Variants in DOCK4 observed in about 807,000 individuals in gnomAD.
DOCK4 encodes the protein dedicator of cytokinesis protein 4.
In DOCK4, 97 loss-of-function variants were observed where a neutral mutation model predicts 268.1. The ratio of observed to expected loss-of-function variants is 0.36; its 90% CI spans 0.31 to 0.43. DOCK4 has a LOEUF of 0.43. DOCK4 is among the 20% of genes least tolerant of loss of function. The probability of loss-of-function intolerance (pLI) is 1.00; values close to 1 mark genes in which losing one functional copy is unlikely to be tolerated. For synonymous variants in DOCK4, 954 were observed against 887.2 expected (o/e 1.08, Z -1.34); for missense variants, 2,145 against 2,455.7 (o/e 0.87, Z 2.67).
intron 41 of DOCK4, 132 bp from the exon 42 acceptor site, chr7:111,755,733 C>T: frequency 1.3e-6 from 1 of 769,996 alleles, no homozygotes; most frequent in Non-Finnish European, 2.2e-6. Flanking sequence ...TTCATTCAAG[C>T]ACTCATGAAA....
chr7:111,885,783 C>G (rs73205392), intron 16 of DOCK4, among the ~76,000 whole-genome samples: 8,412 of 152,216 alleles, frequency 0.055, 332 homozygotes, highest in Non-Finnish European at 0.088. Context: ...TACTTGGAGT[C>G]TGAAATCAGA....
intron 13 of DOCK4, among the ~76,000 whole-genome samples, chr7:111,908,320 C>T (rs920002091): frequency 2.6e-5 from 4 of 151,424 alleles, no homozygotes; most frequent in Admixed American, 1.3e-4. Context: ...TGGTGGCGGG[C>T]GCCTGTAGTC....
rs144603794 is a variant in DOCK4, at chr7:111,763,800, T to C, written c.4020+1318A>G. 1.3e-3 allele frequency among the ~76,000 whole-genome samples: 200 copies of C among 152,292 alleles called. 2 individuals are homozygous for C. Among genetic ancestry groups the C allele is most frequent in the African/African-American group, 4.5e-3 (185 of 41,564 alleles). The stretch of plus-strand genomic sequence containing the variant: ...CCTTAGGGGGTTGCTCATAACAGCT[T>C]GGGATCAGCTACACCTCCAAAACGT... On this transcript the variant is annotated intron_variant, in intron 39 of 52. Transcript: ENST00000428084.
chr7:112,154,245 T>C (rs1816390065), intron 1 of DOCK4, among the ~76,000 whole-genome samples: 1 of 152,182 alleles, frequency 6.6e-6, no homozygotes, highest in Non-Finnish European at 1.5e-5. Flanking sequence ...GTGCTGGGAC[T>C]ATAGGCATAA....
At chr7:112,071,281 A>AT (rs1441694400) in intron 1 of DOCK4, among the ~76,000 whole-genome samples, 2 of 152,084 alleles carry the variant, frequency 1.3e-5, no homozygotes, top group African/African-American at 2.4e-5. Context: ...TCGGACACAG[A>AT]TTTTTTTCTA....
intron 12 of DOCK4, among the ~76,000 whole-genome samples, chr7:111,934,531 T>TTTTG (rs1562907421): frequency 7.3e-6 from 1 of 137,572 alleles, no homozygotes; most frequent in Non-Finnish European, 1.5e-5. Context: ...TTGTTTTTTT[T>TTTTG]TTTTTTTTTT....
intron 1 of DOCK4, among the ~76,000 whole-genome samples, chr7:112,098,302 C>T (rs1226152784): frequency 6.6e-6 from 1 of 152,020 alleles, no homozygotes; most frequent in Non-Finnish European, 1.5e-5. Context: ...CCTCTACCTC[C>T]TGAGTAGCTG....
In DOCK4 at chr7:112,172,885, C is replaced by T. The variant is rs1385040478; in HGVS notation, c.37+33217G>A. Among the ~76,000 whole-genome samples the T allele has an allele frequency of 3.9e-5, 6 of 152,092 alleles. No homozygotes were observed. In the East Asian group the frequency reaches 1.2e-3, roughly 29 times the overall value. On this transcript the variant is annotated intron_variant, in intron 1 of 52. Coordinates refer to ENST00000428084, the MANE Select transcript of DOCK4 (RefSeq NM_001363540.2). ...AAAAAGTGTTAAATCTTATTTTCTG[C>T]TATATAGATGCATAGGTAAAAATGA...
At chr7:111,830,994 A>G (rs541256556) in intron 26 of DOCK4, among the ~76,000 whole-genome samples, 19 of 150,690 alleles carry the variant, frequency 1.3e-4, no homozygotes, top group African/African-American at 4.2e-4. Context: ...CATACTCTAC[A>G]CTCTCCTTGG....
At chr7:111,764,002 T>C (rs1352613391) in intron 39 of DOCK4, among the ~76,000 whole-genome samples, 1 of 152,170 alleles carries the variant, frequency 6.6e-6, no homozygotes, top group Non-Finnish European at 1.5e-5. Context: ...CTGTTTTTGA[T>C]CAGGAATCAA....
intron 16 of DOCK4, among the ~76,000 whole-genome samples, chr7:111,879,296 C>T (rs1807177623): frequency 6.6e-6 from 1 of 152,036 alleles, no homozygotes; most frequent in Middle Eastern, 3.2e-3. Flanking sequence ...CTAAAGACCC[C>T]TTGGGCCCTA....
Position 111,813,352 on chromosome 7 carries a change from A to G in DOCK4, c.2931-1403T>C, listed in dbSNP as rs866183076. 9.3e-5 allele frequency among the ~76,000 whole-genome samples: 14 copies of G among 150,716 alleles called. No individual in the cohort carries two copies. In the East Asian group the frequency reaches 2.5e-3, roughly 27 times the overall value. On this transcript the variant is annotated intron_variant, in intron 27 of 52. Coordinates refer to ENST00000428084, the MANE Select transcript of DOCK4 (RefSeq NM_001363540.2). ...TAGATTATATTTACTAGTTAGAAAAATATAGACTTTGAAAGACATAAATAT... is the reference window on the plus strand; with the variant it reads ...TAGATTATATTTACTAGTTAGAAAAGTATAGACTTTGAAAGACATAAATAT...
In DOCK4 at chr7:112,206,147, G is replaced by A; in HGVS notation, c.-9C>T. 1.3e-6 allele frequency: 2 copies of A among 1,579,250 alleles called. No individual in the cohort carries two copies. Among genetic ancestry groups the A allele is most frequent in the Non-Finnish European group, 1.7e-6 (2 of 1,162,332 alleles). ...TCCGTAGGTATCCACATGGCTAAAGGGGCTCCGGGGTCTTCAGGCTTTGTA... is the reference window on the plus strand; with the variant it reads ...TCCGTAGGTATCCACATGGCTAAAGAGGCTCCGGGGTCTTCAGGCTTTGTA... On this transcript the variant is annotated 5_prime_UTR_variant, in exon 1 of 53. Coordinates refer to ENST00000428084, the MANE Select transcript of DOCK4 (RefSeq NM_001363540.2).
intron 36 of DOCK4, among the ~76,000 whole-genome samples, chr7:111,776,850 G>A (rs771280579): frequency 7.2e-5 from 11 of 151,912 alleles, no homozygotes; most frequent in South Asian, 4.2e-4. Flanking sequence ...AGACAGGGTC[G>A]GGCTCTGTCT....
chr7:111,932,482 T>C (rs572164835), intron 12 of DOCK4, among the ~76,000 whole-genome samples: 1 of 152,166 alleles, frequency 6.6e-6, no homozygotes, highest in African/African-American at 2.4e-5. Context: ...CAGGGCATAA[T>C]GGATTTGTTT....
chr7:111,733,334 T>G (rs970835055), intron 51 of DOCK4, among the ~76,000 whole-genome samples: 6 of 152,242 alleles, frequency 3.9e-5, no homozygotes, highest in Non-Finnish European at 8.8e-5. Context: ...TAAGGTCATC[T>G]GTGTGCTCTG....
intron 8 of DOCK4, among the ~76,000 whole-genome samples, chr7:111,962,515 G>T (rs55880220): frequency 0.3 from 45,722 of 151,994 alleles, 8,805 homozygotes; most frequent in African/African-American, 0.55. Flanking sequence ...ACTCTTGCCA[G>T]CTGACTCCAG....
chr7:111,837,898 C>A (rs2134043396), intron 25 of DOCK4, among the ~76,000 whole-genome samples: 1 of 151,758 alleles, frequency 6.6e-6, no homozygotes, highest in East Asian at 1.9e-4. Context: ...ACCAACCTGG[C>A]CAACATGGTG....
In DOCK4 at chr7:111,728,359, C is replaced by A. The variant is rs764255134; in HGVS notation, c.5843G>T (p.Arg1948Leu). The A allele has an allele frequency of 2.0e-6, 3 of 1,523,662 alleles. No individual in the cohort carries two copies. Among genetic ancestry groups the A allele is most frequent in the Non-Finnish European group, 2.6e-6 (3 of 1,137,884 alleles). 94.4% of individuals were successfully genotyped at this position (1,523,662 alleles called of 1,614,324 possible). Residue 1948 changes from arginine to leucine, a missense_variant, in exon 53 of 53, where the codon CGA becomes CTA. Arg to Leu is a moderately radical substitution (Grantham distance 102). Coordinates refer to ENST00000428084, the MANE Select transcript of DOCK4 (RefSeq NM_001363540.2). ...GGCCCCATTCTCCAGGTGGCTGGAT[C>A]GCGCTGCCAGAGGCTTGGGGGGCAG... The part of the protein sequence containing the change: ...PALPPKPLAA[R>L]SSHLENGARR...
Sources: gnomAD v4.1 joint callset for allele counts (sites outside exome capture counted in the v4.1 genomes callset) on GRCh38, gnomAD v4.1.1 for gene constraint, MANE v1.5 for transcripts, NCBI Gene and HGNC (gene_info 2026-07-23, HGNC 2026-07-21) for gene names.